Variants in PLCG2 observed in about 807,000 individuals in gnomAD.
The protein encoded by PLCG2 is phospholipase C gamma 2, also known as 1-phosphatidylinositol 4,5-bisphosphate phosphodiesterase gamma-2.
In PLCG2, 69 loss-of-function variants were observed where a neutral mutation model predicts 175.6. The observed-to-expected ratio is 0.39, with a 90% CI of 0.32 to 0.48. PLCG2 has a LOEUF of 0.48. Among genes scored for constraint, PLCG2 ranks in the 20% least tolerant of loss-of-function variants. The pLI, the probability that PLCG2 is intolerant of heterozygous loss-of-function variation, is 0.91. For synonymous variants in PLCG2, 827 were observed against 624.0 expected (o/e 1.33, Z -4.85); for missense variants, 1,798 against 1,650.9 (o/e 1.09, Z -1.54).
At chr16:81,764,128 A>G (rs554735044) in intron 2 of PLCG2, among the ~76,000 whole-genome samples, 1 of 152,078 alleles carries the variant, frequency 6.6e-6, no homozygotes, top group South Asian at 2.1e-4. Context: ...CCCCATTTCT[A>G]TAAAAAATTT....
chr16:81,843,947 C>T (rs557493783), intron 2 of PLCG2, among the ~76,000 whole-genome samples: 196 of 151,772 alleles, frequency 1.3e-3, no homozygotes, highest in African/African-American at 4.6e-3. Flanking sequence ...TTCCTTTTTC[C>T]TTTTCGTTTT....
intron 2 of PLCG2, among the ~76,000 whole-genome samples, chr16:81,832,113 A>G (rs935318371): frequency 1.5e-4 from 22 of 151,256 alleles, no homozygotes; most frequent in East Asian, 1.2e-3. Context: ...GGAGGGGGGG[A>G]ATAGTGATAT....
At chr16:81,831,395 C>T (rs558483701) in intron 2 of PLCG2, among the ~76,000 whole-genome samples, 2 of 152,312 alleles carry the variant, frequency 1.3e-5, no homozygotes, top group South Asian at 2.1e-4. Flanking sequence ...TAGCAGCAAA[C>T]ATTTAAACAC....
At chr16:81,793,648 A>G (rs1460292833) in intron 2 of PLCG2, among the ~76,000 whole-genome samples, 1 of 152,160 alleles carries the variant, frequency 6.6e-6, no homozygotes, top group Non-Finnish European at 1.5e-5. Context: ...TTTCCTTGGT[A>G]TTAGGTTCTT....
chr16:81,805,721 A>G (rs1462736708), intron 2 of PLCG2, among the ~76,000 whole-genome samples: 1 of 148,156 alleles, frequency 6.7e-6, no homozygotes, highest in East Asian at 2.0e-4. Context: ...CAATGGAAAT[A>G]CAGTGTGAGT....
rs117135604 is a variant in PLCG2, at chr16:81,830,209, A to T, written c.194-24235A>T. On this transcript the variant is annotated intron_variant, in intron 2 of 32. Transcript: ENST00000564138. ...TTGGCACGCATCTGTGGTCCCAGCT[A>T]CTTAGGAGTCTGAGGTGGGAAGATC... Among the ~76,000 whole-genome samples the T allele has an allele frequency of 4.8e-3, 732 of 152,158 alleles. 2 individuals are homozygous for T. Among genetic ancestry groups the T allele is most frequent in the South Asian group, 0.012 (57 of 4,826 alleles).
rs181366246 is a variant in PLCG2 at position 81,901,941 on chromosome 16, C to T, written c.1362+1161C>T. ...TTCTGAGAAAAGGGTCTGTAGCTTTCCCCAGATTTTGAAGGAGCTCATTAC... is the reference window on the plus strand; with the variant it reads ...TTCTGAGAAAAGGGTCTGTAGCTTTTCCCAGATTTTGAAGGAGCTCATTAC... On this transcript the variant is annotated intron_variant, in intron 14 of 32. Coordinates refer to ENST00000564138, the MANE Select transcript of PLCG2 (RefSeq NM_002661.5). Among the ~76,000 whole-genome samples, 181 of 152,330 alleles carry T rather than the reference C, an allele frequency of 1.2e-3. 2 individuals are homozygous for T. Among genetic ancestry groups the T allele is most frequent in the East Asian group, 6.4e-3 (33 of 5,190 alleles).
At chr16:81,911,999 G>A (rs961739933) in intron 18 of PLCG2, among the ~76,000 whole-genome samples, 4 of 151,764 alleles carry the variant, frequency 2.6e-5, no homozygotes, top group African/African-American at 9.7e-5. Flanking sequence ...GGGTTTCACC[G>A]TGTTAGCCAG....
chr16:81,860,709 A>G (rs1365268395), intron 5 of PLCG2, among the ~76,000 whole-genome samples: 1 of 152,136 alleles, frequency 6.6e-6, no homozygotes, highest in African/African-American at 2.4e-5. Context: ...AGTGGTGTAC[A>G]CCTATATTCC....
chr16:81,895,119 A>G (rs1182865083), intron 12 of PLCG2, among the ~76,000 whole-genome samples: 2 of 152,348 alleles, frequency 1.3e-5, no homozygotes, highest in East Asian at 1.9e-4. Context: ...CATCTTCCAC[A>G]TGACCCATTT....
At chr16:81,814,432 C>G (rs937364101) in intron 2 of PLCG2, among the ~76,000 whole-genome samples, 3 of 152,046 alleles carry the variant, frequency 2.0e-5, no homozygotes, top group Non-Finnish European at 4.4e-5. Context: ...GTGGCTCATG[C>G]CTGTAATCCC....
intron 30 of PLCG2, among the ~76,000 whole-genome samples, chr16:81,945,531 C>A (rs906463085): frequency 6.6e-6 from 1 of 152,192 alleles, no homozygotes; most frequent in Admixed American, 6.5e-5. Context: ...TAAAACAAGC[C>A]AGCAAACCAA....
chr16:81,779,137 C>G (rs1328329892), upstream of PLCG2: 1 of 152,192 alleles, frequency 6.6e-6, no homozygotes, highest in African/African-American at 2.4e-5. Context: ...CTGGGCCGCT[C>G]CATGGCGGGG....
chr16:81,746,115 C>A (rs1247176097), intron 1 of PLCG2, among the ~76,000 whole-genome samples: 2 of 152,188 alleles, frequency 1.3e-5, no homozygotes, highest in Non-Finnish European at 2.9e-5. Context: ...TCGAATGGAA[C>A]CTCTATTAAC....
chr16:81,821,185 C>A (rs1233468153), intron 2 of PLCG2, among the ~76,000 whole-genome samples: 1 of 152,238 alleles, frequency 6.6e-6, no homozygotes, highest in Non-Finnish European at 1.5e-5. Flanking sequence ...CGTGAGCCGC[C>A]GTGCCTGGCC....
intron 2 of PLCG2, among the ~76,000 whole-genome samples, chr16:81,809,826 C>T (rs535412103): frequency 9.0e-5 from 10 of 110,776 alleles, no homozygotes; most frequent in South Asian, 3.0e-4. Context: ...ATTTTTTGGC[C>T]GGGGCGGGGG....
chr16:81,808,829 G>A (rs1273723923), intron 2 of PLCG2, among the ~76,000 whole-genome samples: 1 of 152,182 alleles, frequency 6.6e-6, no homozygotes, highest in African/African-American at 2.4e-5. Flanking sequence ...CATAGCCTCT[G>A]TGGGCCTGGC....
rs1276025556 is a variant in PLCG2, at chr16:81,959,333, G to A, written c.*1335G>A. The A allele has an allele frequency of 4.5e-6, 1 of 222,398 alleles. No homozygotes were observed. Among genetic ancestry groups the A allele is most frequent in the Non-Finnish European group, 9.0e-6 (1 of 111,300 alleles). The allele number at this position is 222,398 out of a possible 1,614,324, so 13.8% of individuals were successfully genotyped here. A position where few individuals can be genotyped will look rare whatever the true frequency, so the allele number is the denominator to read the frequency against. ...CTGGGCTTAGTATGCATGTACTGCT[G>A]AAAAGCAGGGCAGAACAAATCAGGC... On this transcript the variant is annotated 3_prime_UTR_variant, in exon 33 of 33. Coordinates refer to ENST00000564138, the MANE Select transcript of PLCG2 (RefSeq NM_002661.5).
At chr16:81,794,945 G>C (rs1911400188) in intron 2 of PLCG2, among the ~76,000 whole-genome samples, 1 of 152,230 alleles carries the variant, frequency 6.6e-6, no homozygotes, top group African/African-American at 2.4e-5. Flanking sequence ...TCTTGATGGT[G>C]CTATAGCCCT....
Sources: gnomAD v4.1 joint callset for allele counts (sites outside exome capture counted in the v4.1 genomes callset) on GRCh38, gnomAD v4.1.1 for gene constraint, MANE v1.5 for transcripts, NCBI Gene and HGNC (gene_info 2026-07-23, HGNC 2026-07-21) for gene names.